ABLIM1: variants seen among roughly 807,000 people sequenced by gnomAD.
ABLIM1 encodes actin-binding LIM protein 1.
In ABLIM1, 40 loss-of-function variants were observed where a neutral mutation model predicts 107.0. That is an observed-to-expected ratio of 0.37 (90% CI 0.29 to 0.49). The LOEUF (loss-of-function observed/expected upper bound fraction) is 0.49, where lower values mean the gene tolerates loss of function less well. Ranked by LOEUF, ABLIM1 falls within the 20% of genes least tolerant of loss-of-function variation. The pLI, the probability that ABLIM1 is intolerant of heterozygous loss-of-function variation, is 0.97. For missense variants in ABLIM1, 857 were observed against 1,008.5 expected, an observed-to-expected ratio of 0.85 and a Z score of 2.04; for synonymous variants, 357 against 357.3, an observed-to-expected ratio of 1.00 and a Z score of 0.01.
Position 114,647,916 on chromosome 10 carries a change from A to G in ABLIM1, c.244+10041T>C, listed in dbSNP as rs552399692. ...AAGTAAAGGCCCTACCTTTCTTTAT[A>G]TAATGTTTGCAGACCTTTATGTTGT... On this transcript the variant is annotated intron_variant, in intron 1 of 22. Transcript: ENST00000533213. 5.3e-5 allele frequency among the ~76,000 whole-genome samples: 8 copies of G among 152,380 alleles called. No individual in the cohort carries two copies. In the South Asian group the frequency reaches 6.2e-4, roughly 12 times the overall value.
chr10:114,746,198 C>A (rs1018075044), intron 1 of ABLIM1, among the ~76,000 whole-genome samples: 1 of 152,146 alleles, frequency 6.6e-6, no homozygotes, highest in Non-Finnish European at 1.5e-5. Flanking sequence ...AAAAAAAAAT[C>A]CAACTGAGGC....
At chr10:114,793,920 T>A in the ABLIM1 span, among the ~76,000 whole-genome samples, 1 of 152,204 alleles carries the variant, frequency 6.6e-6, no homozygotes, top group Admixed American at 6.5e-5. Flanking sequence ...TCTTAATAAA[T>A]CTCTTGCACA....
intron 1 of ABLIM1, among the ~76,000 whole-genome samples, chr10:114,724,165 ACATT>A (rs1181982255): frequency 1.3e-5 from 2 of 152,200 alleles, no homozygotes; most frequent in Non-Finnish European, 2.9e-5. Flanking sequence ...TTTACATTGC[ACATT>A]CATTATTATT....
chr10:114,445,540 G>A (rs2060885551), intron 15 of ABLIM1, 137 bp from the exon 16 acceptor site: 1 of 721,270 alleles, frequency 1.4e-6, no homozygotes, highest in Admixed American at 2.5e-5. Flanking sequence ...AACAATACAA[G>A]AGAAAACAAA....
chr10:114,505,577 T>C (rs2061015246), intron 6 of ABLIM1, among the ~76,000 whole-genome samples: 1 of 152,238 alleles, frequency 6.6e-6, no homozygotes, highest in African/African-American at 2.4e-5. Context: ...ACAAGTGCCC[T>C]TTATTTAATA....
intron 2 of ABLIM1, chr10:114,595,138 C>CG (rs2075290307): frequency 7.0e-6 from 1 of 142,034 alleles, no homozygotes; most frequent in East Asian, 2.0e-4. Context: ...AAGTTTCTGG[C>CG]AAAAAAAAAA....
intron 3 of ABLIM1, among the ~76,000 whole-genome samples, chr10:114,572,284 C>A (rs771161970): frequency 1.4e-4 from 22 of 152,324 alleles, no homozygotes; most frequent in South Asian, 1.2e-3. Context: ...AACATCACCA[C>A]AAATCTTAGT....
intron 12 of ABLIM1, among the ~76,000 whole-genome samples, chr10:114,460,549 T>C (rs1233612760): frequency 6.6e-6 from 1 of 152,152 alleles, no homozygotes; most frequent in East Asian, 1.9e-4. Context: ...TGCAGTGAGC[T>C]GAGATTGTGC....
Position 114,439,181 on chromosome 10 carries a change from G to C in ABLIM1, c.2137C>G (p.Pro713Ala), listed in dbSNP as rs781631215. The stretch of plus-strand genomic sequence containing the variant: ...AAAAGAACAGCTGCACTTGCCTTTG[G>C]TTCCAACATGTTGGGCATAGACACT... ...RGVSMPNMLE[P>A]KIFPYEMLMV... Residue 713 changes from proline to alanine, a missense_variant, in exon 21 of 23, where the codon CCA becomes GCA. Physicochemically the swap from Pro to Ala is conservative, Grantham distance 27 (BLOSUM62 -1). Transcript: ENST00000533213. 3.1e-6 allele frequency: 5 copies of C among 1,614,188 alleles called. No homozygotes were observed. In the East Asian group the frequency reaches 1.1e-4, roughly 36 times the overall value.
Position 114,696,742 on chromosome 10 carries a change from G to C in ABLIM1, c.-213+71319C>G, listed in dbSNP as rs78996613. On this transcript the variant is annotated intron_variant, in intron 1 of 15. Transcript: ENST00000651092. ...GGCCTCCCCAGTCACATGGAACTGT[G>C]AGTCCATTAAACCTCTTTTCCTTTA... 2.6e-5 allele frequency among the ~76,000 whole-genome samples: 4 copies of C among 152,154 alleles called. No homozygotes were observed. In the East Asian group the frequency reaches 5.8e-4, roughly 22 times the overall value.
At chr10:114,567,448 G>T (rs2070921881) in intron 4 of ABLIM1, among the ~76,000 whole-genome samples, 1 of 152,230 alleles carries the variant, frequency 6.6e-6, no homozygotes, top group Non-Finnish European at 1.5e-5. Context: ...CAGTTACACA[G>T]TACCTGATAT....
intron 7 of ABLIM1, among the ~76,000 whole-genome samples, chr10:114,489,232 C>G (rs1166672281): frequency 6.6e-6 from 1 of 152,124 alleles, no homozygotes; most frequent in Non-Finnish European, 1.5e-5. Context: ...TGGCCAGGCT[C>G]TTTGGAACTC....
intron 6 of ABLIM1, among the ~76,000 whole-genome samples, chr10:114,523,325 G>C (rs1450249396): frequency 1.3e-5 from 2 of 152,042 alleles, no homozygotes; most frequent in African/African-American, 4.8e-5. Flanking sequence ...CCCTTGCCCT[G>C]ATAACCTGGT....
At chr10:114,523,011 G>A (rs1429747623) in intron 6 of ABLIM1, among the ~76,000 whole-genome samples, 2 of 152,154 alleles carry the variant, frequency 1.3e-5, no homozygotes, top group African/African-American at 4.8e-5. Context: ...AATTAGCCGG[G>A]CATGGTGGCA....
intron 4 of ABLIM1, among the ~76,000 whole-genome samples, chr10:114,569,221 A>G (rs1054632059): frequency 6.6e-6 from 1 of 152,244 alleles, no homozygotes; most frequent in East Asian, 1.9e-4. Flanking sequence ...CAATGAGGAC[A>G]CAGCCATTCC....
intron 6 of ABLIM1, among the ~76,000 whole-genome samples, chr10:114,497,495 C>A (rs1056717335): frequency 6.6e-6 from 1 of 151,896 alleles, no homozygotes; most frequent in Non-Finnish European, 1.5e-5. Flanking sequence ...CTGGTCAACA[C>A]GGTGAAACCC....
At chr10:114,762,771 A>C (rs981884541) in intron 1 of ABLIM1, among the ~76,000 whole-genome samples, 4 of 152,148 alleles carry the variant, frequency 2.6e-5, no homozygotes, top group Admixed American at 2.6e-4. Context: ...TATGACATAG[A>C]TTTTATTCTA....
chr10:114,620,830 G>C (rs984050623), intron 1 of ABLIM1, among the ~76,000 whole-genome samples: 1 of 152,180 alleles, frequency 6.6e-6, no homozygotes, highest in Non-Finnish European at 1.5e-5. Context: ...CTGGCAACTT[G>C]ACCTGCATCC....
intron 1 of ABLIM1, among the ~76,000 whole-genome samples, chr10:114,673,256 T>TAAAAAAAAAA (rs10712808): frequency 2.3e-5 from 3 of 130,162 alleles, no homozygotes; most frequent in African/African-American, 8.7e-5. Flanking sequence ...AGACTCCAGC[T>TAAAAAAAAAA]AAAAAAAAAA....
Sources: allele counts gnomAD v4.1 joint callset (sites outside exome capture counted in the v4.1 genomes callset), GRCh38; gene constraint gnomAD v4.1.1; transcripts MANE v1.5; gene names NCBI Gene and HGNC (gene_info 2026-07-23, HGNC 2026-07-21).